RUNX1: variants seen among roughly 807,000 people sequenced by gnomAD.
RUNX1 encodes the protein RUNX family transcription factor 1.
A neutral mutation model predicts 42.8 loss-of-function variants in RUNX1; 19 were observed. That is an observed-to-expected ratio of 0.44 (90% CI 0.31 to 0.65). The LOEUF (loss-of-function observed/expected upper bound fraction) is 0.65. Ranked by LOEUF, RUNX1 falls within the 30% of genes least tolerant of loss-of-function variation. The probability of loss-of-function intolerance (pLI) is 0.07; values close to 1 mark genes in which losing one functional copy is unlikely to be tolerated. For synonymous variants in RUNX1, 271 were observed against 289.4 expected, an observed-to-expected ratio of 0.94 and a Z score of 0.64; for missense variants, 528 against 672.0, an observed-to-expected ratio of 0.79 and a Z score of 2.37.
chr21:34,897,890 T>C (rs2058143314), intron 2 of RUNX1, among the ~76,000 whole-genome samples: 1 of 152,222 alleles, frequency 6.6e-6, no homozygotes, highest in African/African-American at 2.4e-5. Flanking sequence ...TTTTTGCATA[T>C]GTAATTAAGG....
intron 2 of RUNX1, among the ~76,000 whole-genome samples, chr21:35,008,283 A>T (rs952965272): frequency 1.3e-5 from 2 of 152,236 alleles, no homozygotes; most frequent in African/African-American, 4.8e-5. Flanking sequence ...AGGGGAATGT[A>T]TGTGAGCATT....
At chr21:34,929,051 G>A (rs1012712317) in intron 2 of RUNX1, among the ~76,000 whole-genome samples, 6 of 151,932 alleles carry the variant, frequency 3.9e-5, no homozygotes, top group African/African-American at 1.5e-4. Context: ...AAAGCATCTA[G>A]GCATGTCCTC....
chr21:34,971,611 AC>A (rs376066362), intron 2 of RUNX1, among the ~76,000 whole-genome samples: 213 of 152,234 alleles, frequency 1.4e-3, no homozygotes, highest in African/African-American at 4.8e-3. Flanking sequence ...CATACTATGA[AC>A]AAAGTCTTTG....
At chr21:34,992,109 G>A (rs1379702482) in intron 2 of RUNX1, among the ~76,000 whole-genome samples, 1 of 152,238 alleles carries the variant, frequency 6.6e-6, no homozygotes, top group African/African-American at 2.4e-5. Flanking sequence ...AATGTGTTAT[G>A]GCAAGCATGG....
At chr21:34,821,791 TGAAA>T in intron 7 of RUNX1, 1 of 1,062,400 alleles carries the variant, frequency 9.4e-7, no homozygotes, top group Non-Finnish European at 1.3e-6. Context: ...CCCCAAGGCG[TGAAA>T]GAATCAAATG....
At chr21:34,924,527 T>TA (rs1306022042) in intron 2 of RUNX1, among the ~76,000 whole-genome samples, 1 of 152,148 alleles carries the variant, frequency 6.6e-6, no homozygotes, top group African/African-American at 2.4e-5. Flanking sequence ...CGAGTTGGAA[T>TA]AAGCAACATG....
At chr21:34,883,144 G>A (rs1601521108) in intron 4 of RUNX1, among the ~76,000 whole-genome samples, 2 of 152,154 alleles carry the variant, frequency 1.3e-5, no homozygotes, top group East Asian at 1.9e-4. Flanking sequence ...TCGCCAAGTC[G>A]AAACAAACAT....
At chr21:34,882,580 G>A (rs901548762) in intron 4 of RUNX1, among the ~76,000 whole-genome samples, 3 of 152,002 alleles carry the variant, frequency 2.0e-5, no homozygotes, top group Admixed American at 6.6e-5. Context: ...CCCATTATAA[G>A]TGTGTTTGTT....
At chr21:34,829,201 C>A (rs150944870) in intron 7 of RUNX1, among the ~76,000 whole-genome samples, 9 of 152,178 alleles carry the variant, frequency 5.9e-5, no homozygotes, top group Admixed American at 5.2e-4. Context: ...CTATTAGATT[C>A]CCAGCTCAAG....
At chr21:34,929,402 C>T (rs2058423180) in intron 2 of RUNX1, among the ~76,000 whole-genome samples, 1 of 152,154 alleles carries the variant, frequency 6.6e-6, no homozygotes, top group Non-Finnish European at 1.5e-5. Context: ...CTCAGAAATA[C>T]ATTTTTAGGG....
At chr21:35,032,978 C>G (rs769636354) in intron 2 of RUNX1, among the ~76,000 whole-genome samples, 23 of 152,158 alleles carry the variant, frequency 1.5e-4, no homozygotes, top group Non-Finnish European at 2.6e-4. Context: ...GTCTATCCAT[C>G]CATCTATCCA....
At chr21:34,876,439 A>G (rs2146335407) in intron 5 of RUNX1, among the ~76,000 whole-genome samples, 1 of 152,322 alleles carries the variant, frequency 6.6e-6, no homozygotes, top group South Asian at 2.1e-4. Flanking sequence ...CTCCATGATC[A>G]ATGCAAAGTT....
intron 2 of RUNX1, among the ~76,000 whole-genome samples, chr21:34,977,437 T>C (rs1483324090): frequency 6.6e-6 from 1 of 152,224 alleles, no homozygotes; most frequent in Non-Finnish European, 1.5e-5. Context: ...TGGATTTAGG[T>C]ACCAAGCAGT....
Position 34,859,458 on chromosome 21 carries a change from A to T in RUNX1, c.613+16T>A. On this transcript the variant is annotated intron_variant, in intron 6 of 8. Coordinates refer to ENST00000675419, the MANE Select transcript of RUNX1 (RefSeq NM_001754.5). Reference sequence around the variant, plus strand: ...CCAGCCTGGAGGGTGTACCAGCCCCAAGTGGATGCACTTACTTCGAGGTTC... The same window carrying T: ...CCAGCCTGGAGGGTGTACCAGCCCCTAGTGGATGCACTTACTTCGAGGTTC... The T allele has an allele frequency of 6.4e-7, 1 of 1,562,326 alleles. No homozygotes were observed. The highest frequency in any genetic ancestry group is 8.8e-7 in the Non-Finnish European group (1 of 1,132,884).
chr21:34,802,046 C>G (rs1486403435), intron 7 of RUNX1, among the ~76,000 whole-genome samples: 2 of 152,172 alleles, frequency 1.3e-5, no homozygotes, highest in African/African-American at 4.8e-5. Context: ...AGGTCCTACA[C>G]AGTATTTCTT....
intron 5 of RUNX1, among the ~76,000 whole-genome samples, chr21:34,863,756 A>G (rs142645440): frequency 6.6e-6 from 1 of 151,858 alleles, no homozygotes; most frequent in East Asian, 1.9e-4. Flanking sequence ...GGGTTTCACT[A>G]TGTCAGCCAT....
In RUNX1 at chr21:34,792,406, G is replaced by A. The variant is rs1386664717; in HGVS notation, c.1172C>T (p.Ala391Val). 6.4e-7 allele frequency: 1 copy of A among 1,567,028 alleles called. No homozygotes were observed. Among genetic ancestry groups the A allele is most frequent in the Non-Finnish European group, 8.6e-7 (1 of 1,156,108 alleles). The change falls in exon 9 of 9, where the codon GCG becomes GTG. Residue 391 changes from alanine to valine, a missense_variant. Around this residue, in one of 3 missense-constraint regions of RUNX1, gnomAD observed 331 missense variants for 382.5 expected, o/e 0.87. Coordinates refer to ENST00000675419, the MANE Select transcript of RUNX1 (RefSeq NM_001754.5). This position sits in a 1 kb window ranked among gnomAD's most constrained non-coding sequence, Gnocchi z 6.9. The stretch of plus-strand genomic sequence containing the variant: ...GCTGGCTTGGAACGGGCCTCCCTGC[G>A]CTTGCGACGAGCCGGGGTAGGGCGG... The part of the protein sequence containing the change: ...LPPPYPGSSQ[A>V]QGGPFQASSP...
intron 2 of RUNX1, among the ~76,000 whole-genome samples, chr21:34,948,174 A>G (rs1220571936): frequency 6.6e-6 from 1 of 152,142 alleles, no homozygotes; most frequent in Non-Finnish European, 1.5e-5. Context: ...TATTTTTTAA[A>G]AAATCATTTC....
intron 2 of RUNX1, among the ~76,000 whole-genome samples, chr21:34,959,452 G>A (rs957854128): frequency 6.6e-6 from 1 of 152,182 alleles, no homozygotes; most frequent in Admixed American, 6.5e-5. Context: ...GGAGAACAGT[G>A]CCTAGCACAT....
Sources: gnomAD v4.1 joint callset for allele counts (sites outside exome capture counted in the v4.1 genomes callset) on GRCh38, gnomAD v4.1.1 for gene constraint, gnomAD v4.1.1 regional missense constraint, Gnocchi (gnomAD v3.1) non-coding constraint, MANE v1.5 for transcripts, NCBI Gene and HGNC (gene_info 2026-07-23, HGNC 2026-07-21) for gene names.